Variants in GUCY1A1 observed in about 807,000 individuals in gnomAD.
GUCY1A1 encodes the protein guanylate cyclase soluble subunit alpha-1.
Under a neutral mutation model 64.5 loss-of-function variants are expected in GUCY1A1, and 48 were observed. The observed-to-expected ratio is 0.74, with a 90% confidence interval of 0.59 to 0.95. GUCY1A1 has a LOEUF of 0.95. Ranked by LOEUF, GUCY1A1 falls within the 40% of genes least tolerant of loss-of-function variation. The probability of loss-of-function intolerance (pLI) is 0.00; values close to 1 mark genes in which losing one functional copy is unlikely to be tolerated. For missense variants in GUCY1A1, 804 were observed against 825.3 expected (o/e 0.97, Z 0.32); for synonymous variants, 308 against 303.4 (o/e 1.02, Z -0.16).
intron 3 of GUCY1A1, among the ~76,000 whole-genome samples, chr4:155,699,528 T>C (rs1730820956): frequency 1.3e-5 from 2 of 152,154 alleles, no homozygotes; most frequent in South Asian, 2.1e-4. Flanking sequence ...GGCAAGACTA[T>C]AGGAGATGGA....
intron 3 of GUCY1A1, among the ~76,000 whole-genome samples, chr4:155,701,506 A>C (rs1170488164): frequency 1.3e-5 from 2 of 152,184 alleles, no homozygotes; most frequent in Admixed American, 6.5e-5. Context: ...TCTTGACTAA[A>C]AAGGTAAAAG....
intron 2 of GUCY1A1, among the ~76,000 whole-genome samples, chr4:155,682,959 T>C (rs1225966251): frequency 6.6e-6 from 1 of 152,172 alleles, no homozygotes; most frequent in East Asian, 1.9e-4. Context: ...TTATAGCTAA[T>C]AGCCTAATAT....
At chr4:155,703,127 TTAAGA>T (rs1229478908) in intron 3 of GUCY1A1, among the ~76,000 whole-genome samples, 4 of 152,048 alleles carry the variant, frequency 2.6e-5, no homozygotes, top group Non-Finnish European at 4.4e-5. Flanking sequence ...CAATCAGCTG[TTAAGA>T]TAAATTAATA....
intron 2 of GUCY1A1, among the ~76,000 whole-genome samples, chr4:155,673,280 C>T (rs1235371027): frequency 1.3e-5 from 2 of 151,434 alleles, no homozygotes; most frequent in African/African-American, 2.5e-5. Context: ...GAGGAAGATA[C>T]AAAGCAAAGT....
At chr4:155,691,540 T>G (rs1346146508) in intron 2 of GUCY1A1, among the ~76,000 whole-genome samples, 3 of 152,238 alleles carry the variant, frequency 2.0e-5, no homozygotes, top group Non-Finnish European at 4.4e-5. Flanking sequence ...CAATTTGTAC[T>G]GAAGTATACA....
chr4:155,722,948 A>G (rs1225071442), intron 9 of GUCY1A1, among the ~76,000 whole-genome samples: 1 of 152,050 alleles, frequency 6.6e-6, no homozygotes, highest in East Asian at 1.9e-4. Context: ...TTATGTAGGC[A>G]TGATTCGTTG....
chr4:155,720,337 T>TTCTATCTATCTATCTA (rs59667368), intron 8 of GUCY1A1, among the ~76,000 whole-genome samples: 33 of 149,906 alleles, frequency 2.2e-4, no homozygotes, highest in Admixed American at 5.4e-4. Context: ...AAGAGCTTTA[T>TTCTATCTATCTATCTA]TCTATCTATC....
intron 4 of GUCY1A1, 124 bp downstream of exon 4, chr4:155,704,117 C>CT: frequency 1.7e-6 from 1 of 592,668 alleles, no homozygotes; most frequent in Non-Finnish European, 3.0e-6. Flanking sequence ...AGAAACTGGA[C>CT]TTAGTACTTT....
chr4:155,705,539 C>CAAAAAAA (rs35914312), intron 4 of GUCY1A1, among the ~76,000 whole-genome samples: 3 of 82,064 alleles, frequency 3.7e-5, no homozygotes, highest in African/African-American at 1.1e-4. Flanking sequence ...GACTCCATCT[C>CAAAAAAA]AAAAAAAAAA....
intron 2 of GUCY1A1, among the ~76,000 whole-genome samples, chr4:155,694,023 C>A (rs1730099730): frequency 6.6e-6 from 1 of 152,180 alleles, no homozygotes; most frequent in Non-Finnish European, 1.5e-5. Context: ...ATGCCATCCT[C>A]AGACCTAACC....
chr4:155,674,094 G>A (rs2705436), intron 2 of GUCY1A1, among the ~76,000 whole-genome samples: 64,105 of 150,986 alleles, frequency 0.42, 14,403 homozygotes, highest in Non-Finnish European at 0.45. Flanking sequence ...GGTGGCTCAC[G>A]CCTGTAATCC....
chr4:155,671,160 CATGGAGCT>C (rs554395066), intron 2 of GUCY1A1, among the ~76,000 whole-genome samples: 130 of 152,278 alleles, frequency 8.5e-4, no homozygotes, highest in African/African-American at 3.0e-3. Context: ...GATGCTACCA[CATGGAGCT>C]ATGGTCTTGG....
Position 155,694,227 on chromosome 4 carries a change from T to C in GUCY1A1, c.-112-2529T>C, listed in dbSNP as rs1460831513. Among the ~76,000 whole-genome samples, 2 of 152,174 alleles carry C rather than the reference T, an allele frequency of 1.3e-5. 1 individual carries two copies. Among genetic ancestry groups the C allele is most frequent in the Middle Eastern group, 6.4e-3 (2 of 314 alleles). On this transcript the variant is annotated intron_variant, in intron 2 of 9. Coordinates refer to ENST00000506455, the MANE Select transcript of GUCY1A1 (RefSeq NM_001130682.3). ...TTAGTATTATCTATTACACTCTTTT[T>C]GATTACTTTGAAGTTGTTCAAAAAC...
intron 3 of GUCY1A1, among the ~76,000 whole-genome samples, chr4:155,702,586 C>T (rs1352781741): frequency 6.6e-6 from 1 of 152,166 alleles, no homozygotes; most frequent in African/African-American, 2.4e-5. Flanking sequence ...GTGCGTCTTC[C>T]ACCAGCTTTT....
intron 4 of GUCY1A1, among the ~76,000 whole-genome samples, chr4:155,706,813 C>T (rs1363594884): frequency 6.6e-6 from 1 of 152,168 alleles, no homozygotes; most frequent in Non-Finnish European, 1.5e-5. Context: ...GCTCATTTGG[C>T]AAATTTTGTC....
intron 2 of GUCY1A1, chr4:155,668,016 C>G (rs1349541131): frequency 6.6e-6 from 1 of 152,286 alleles, no homozygotes; most frequent in Non-Finnish European, 1.5e-5. Flanking sequence ...CCCAGCGGCT[C>G]CACGAGGTGT....
At chr4:155,729,403 TGTG>T (rs1408876264) in intron 9 of GUCY1A1, among the ~76,000 whole-genome samples, 2 of 151,812 alleles carry the variant, frequency 1.3e-5, no homozygotes, top group African/African-American at 2.4e-5. Flanking sequence ...AACAATATAA[TGTG>T]GTAAACAGAT....
chr4:155,710,733 A>G lies in GUCY1A1; in HGVS notation c.568A>G (p.Ile190Val), dbSNP rs1732453001. Residue 190 changes from isoleucine (I) to valine (V), a missense_variant, in exon 6 of 10, where the codon ATT becomes GTT. Ile to Val is a conservative substitution (Grantham distance 29). Coordinates refer to ENST00000506455, the MANE Select transcript of GUCY1A1 (RefSeq NM_001130682.3). ...AAGGGGCAGGCTTGAGGACGCCTCC[A>G]TTCTATGCCTGGATAAGGAGGATGA... The part of the protein sequence containing the change: ...GKRGRLEDAS[I>V]LCLDKEDDFL... The G allele has an allele frequency of 1.2e-6, 2 of 1,613,996 alleles. No homozygotes were observed. The highest frequency in any genetic ancestry group is 1.1e-5 in the South Asian group (1 of 91,090).
intron 5 of GUCY1A1, among the ~76,000 whole-genome samples, chr4:155,708,674 A>G (rs772243142): frequency 2.3e-4 from 35 of 152,200 alleles, no homozygotes; most frequent in Non-Finnish European, 4.9e-4. Flanking sequence ...CAGTATTCTC[A>G]CATTAATGAT....
Sources: gnomAD v4.1 joint callset for allele counts (sites outside exome capture counted in the v4.1 genomes callset) on GRCh38, gnomAD v4.1.1 for gene constraint, MANE v1.5 for transcripts, NCBI Gene and HGNC (gene_info 2026-07-23, HGNC 2026-07-21) for gene names.